PABPC4L: variants seen among roughly 807,000 people sequenced by gnomAD.
PABPC4L encodes the protein poly(A) binding protein cytoplasmic 4 like.
For synonymous variants in PABPC4L, 169 were observed against 164.1 expected (o/e 1.03, Z -0.23); for missense variants, 452 against 451.4 (o/e 1.00, Z -0.01).
chr4:134,068,641 G>A, the PABPC4L span, among the ~76,000 whole-genome samples: 59 of 152,012 alleles, frequency 3.9e-4, no homozygotes, highest in African/African-American at 1.2e-3. Flanking sequence ...GTGTTTTTGT[G>A]GTGGCTATTA....
At chr4:133,953,913 C>T in the PABPC4L span, among the ~76,000 whole-genome samples, 8 of 152,150 alleles carry the variant, frequency 5.3e-5, no homozygotes, top group African/African-American at 1.4e-4. Flanking sequence ...CTAAACCAAG[C>T]GGATCTTTTA....
At chr4:134,102,204 T>C in the PABPC4L span, among the ~76,000 whole-genome samples, 1 of 151,538 alleles carries the variant, frequency 6.6e-6, no homozygotes, top group Non-Finnish European at 1.5e-5. Flanking sequence ...CAGTCAATAG[T>C]CTCCAAGAAT....
the PABPC4L span, among the ~76,000 whole-genome samples, chr4:133,982,458 C>T: frequency 2.0e-5 from 3 of 151,986 alleles, no homozygotes; most frequent in Non-Finnish European, 4.4e-5. Flanking sequence ...GAAATAGTTG[C>T]TTACTTGAAA....
At chr4:134,059,834 T>C in the PABPC4L span, among the ~76,000 whole-genome samples, 11 of 152,040 alleles carry the variant, frequency 7.2e-5, no homozygotes, top group Non-Finnish European at 2.9e-5. Context: ...CCGACAGGAA[T>C]ACCAAATTTA....
At chr4:134,168,238 AAC>A in the PABPC4L span, among the ~76,000 whole-genome samples, 4 of 152,008 alleles carry the variant, frequency 2.6e-5, no homozygotes, top group Non-Finnish European at 4.4e-5. Flanking sequence ...TAAAAATAAA[AAC>A]ACAGCATGCC....
chr4:134,059,854 C>G, the PABPC4L span, among the ~76,000 whole-genome samples: 2 of 152,040 alleles, frequency 1.3e-5, no homozygotes, highest in Non-Finnish European at 2.9e-5. Flanking sequence ...AACAGCTATA[C>G]AGAAAAAGCA....
the PABPC4L span, among the ~76,000 whole-genome samples, chr4:134,011,492 T>A: frequency 6.6e-6 from 1 of 152,108 alleles, no homozygotes; most frequent in Non-Finnish European, 1.5e-5. Context: ...AAAAATAATC[T>A]CAACATTTTC....
At chr4:134,132,360 G>T in the PABPC4L span, among the ~76,000 whole-genome samples, 1 of 151,586 alleles carries the variant, frequency 6.6e-6, no homozygotes, top group Non-Finnish European at 1.5e-5. Flanking sequence ...TCAAACAAAT[G>T]AGCAAGAACA....
At chr4:134,189,219 C>G in the PABPC4L span, among the ~76,000 whole-genome samples, 1 of 152,052 alleles carries the variant, frequency 6.6e-6, no homozygotes, top group Non-Finnish European at 1.5e-5. Flanking sequence ...TCCATTAGAG[C>G]CCTTAACATA....
the PABPC4L span, among the ~76,000 whole-genome samples, chr4:133,956,427 T>G: frequency 6.6e-6 from 1 of 152,310 alleles, no homozygotes; most frequent in Non-Finnish European, 1.5e-5. Context: ...GCTCTTAATT[T>G]GATGCTGTTT....
At chr4:134,049,645 C>A in the PABPC4L span, among the ~76,000 whole-genome samples, 3 of 152,166 alleles carry the variant, frequency 2.0e-5, no homozygotes, top group Admixed American at 2.0e-4. Context: ...GACTACTCTG[C>A]AGTGCTATTT....
chr4:134,095,132 A>G, the PABPC4L span, among the ~76,000 whole-genome samples: 1 of 151,752 alleles, frequency 6.6e-6, no homozygotes, highest in South Asian at 2.1e-4. Flanking sequence ...TTTAATAAAC[A>G]TGCTTTTACT....
chr4:133,960,164 G>A, the PABPC4L span, among the ~76,000 whole-genome samples: 1 of 152,106 alleles, frequency 6.6e-6, no homozygotes, highest in Non-Finnish European at 1.5e-5. Flanking sequence ...GGAATAAATG[G>A]GGAATCCCAA....
At chr4:133,980,987 C>T in the PABPC4L span, among the ~76,000 whole-genome samples, 1 of 151,940 alleles carries the variant, frequency 6.6e-6, no homozygotes, top group African/African-American at 2.4e-5. Flanking sequence ...ATAGTGAAAC[C>T]CCATCTCTAA....
chr4:134,152,930 G>A, the PABPC4L span, among the ~76,000 whole-genome samples: 8 of 152,108 alleles, frequency 5.3e-5, no homozygotes, highest in African/African-American at 1.2e-4. Flanking sequence ...AAAAGAGGAA[G>A]CAAAAGAGTA....
At chr4:134,111,514 T>A in the PABPC4L span, among the ~76,000 whole-genome samples, 1 of 151,922 alleles carries the variant, frequency 6.6e-6, no homozygotes, top group Non-Finnish European at 1.5e-5. Context: ...CATACACACA[T>A]ATAGACTTCT....
chr4:134,088,337 C>T, the PABPC4L span, among the ~76,000 whole-genome samples: 1 of 152,122 alleles, frequency 6.6e-6, no homozygotes, highest in African/African-American at 2.4e-5. Flanking sequence ...AGCACCTCTA[C>T]TACTGGGACC....
chr4:133,984,581 G>T, the PABPC4L span, among the ~76,000 whole-genome samples: 1 of 151,824 alleles, frequency 6.6e-6, no homozygotes, highest in African/African-American at 2.4e-5. Flanking sequence ...ATCTATGAAA[G>T]TCAGGATAAT....
chr4:133,953,127 T>C, the PABPC4L span, among the ~76,000 whole-genome samples: 1 of 152,160 alleles, frequency 6.6e-6, no homozygotes. Flanking sequence ...GGGGATCACA[T>C]TCTCTTCCTT....
Sources: allele counts gnomAD v4.1 joint callset (sites outside exome capture counted in the v4.1 genomes callset), GRCh38; gene constraint gnomAD v4.1.1; transcripts MANE v1.5; gene names NCBI Gene and HGNC (gene_info 2026-07-23, HGNC 2026-07-21).